The following C5 variants were observed in gnomAD, a reference collection of about 807,000 sequenced individuals.
C5 encodes C3 and PZP-like alpha-2-macroglobulin domain-containing protein 4.
A neutral mutation model predicts 218.8 loss-of-function variants in C5; 140 were observed. The observed-to-expected ratio is 0.64, with a 90% CI of 0.56 to 0.74. C5 has a LOEUF of 0.74. Ranked by LOEUF, C5 falls within the 30% of genes least tolerant of loss-of-function variation. The pLI, the probability that C5 is intolerant of heterozygous loss-of-function variation, is 0.00. For synonymous variants in C5, 614 were observed against 682.3 expected (o/e 0.90, Z 1.56); for missense variants, 1,700 against 1,969.6 (o/e 0.86, Z 2.59).
upstream of C5, among the ~76,000 whole-genome samples, chr9:121,050,834 AG>A (rs1454724169): frequency 6.6e-6 from 1 of 152,160 alleles, no homozygotes; most frequent in African/African-American, 2.4e-5. Context: ...AGAGAACACT[AG>A]GTGGAGGAAA....
At chr9:121,045,984 C>A (rs41307968) in intron 2 of C5, among the ~76,000 whole-genome samples, 17,359 of 152,046 alleles carry the variant, frequency 0.11, 1,276 homozygotes, top group Non-Finnish European at 0.16. Flanking sequence ...ATGCATTGCT[C>A]AAAAAGCAGA....
At chr9:121,023,143 T>C (rs2047381257) in intron 10 of C5, among the ~76,000 whole-genome samples, 1 of 152,234 alleles carries the variant, frequency 6.6e-6, no homozygotes. Context: ...TAATGCTTAT[T>C]TATTACATGT....
At chr9:121,066,185 ACCTGTAGT>A in the C5 span, among the ~76,000 whole-genome samples, 19,623 of 151,578 alleles carry the variant, frequency 0.13, 1,382 homozygotes, top group East Asian at 0.18. Context: ...GGTGGTGTGC[ACCTGTAGT>A]CCCAGCTACT....
chr9:121,028,673 A>G (rs528570106), intron 7 of C5, among the ~76,000 whole-genome samples: 1 of 152,208 alleles, frequency 6.6e-6, no homozygotes, highest in East Asian at 1.9e-4. Flanking sequence ...TGCGGGGAAC[A>G]TCACACTCTG....
At chr9:120,964,410 G>T (rs1156452027) in intron 33 of C5, among the ~76,000 whole-genome samples, 1 of 152,190 alleles carries the variant, frequency 6.6e-6, no homozygotes, top group Non-Finnish European at 1.5e-5. Flanking sequence ...AGGTTGCAGT[G>T]CGCCGAGATC....
At chr9:121,028,683 G>A (rs2047446913) in intron 7 of C5, among the ~76,000 whole-genome samples, 1 of 152,116 alleles carries the variant, frequency 6.6e-6, no homozygotes, top group African/African-American at 2.4e-5. Context: ...ATCACACTCT[G>A]GGGCCTGTCA....
chr9:121,052,985 A>G (rs1194580522), upstream of C5, among the ~76,000 whole-genome samples: 1 of 152,194 alleles, frequency 6.6e-6, no homozygotes, highest in Non-Finnish European at 1.5e-5. Flanking sequence ...TTTAGAGAAT[A>G]AAAAATAAGT....
chr9:121,046,846 GTA>G (rs1206077641), intron 1 of C5, among the ~76,000 whole-genome samples: 3 of 152,020 alleles, frequency 2.0e-5, no homozygotes, highest in Non-Finnish European at 4.4e-5. Context: ...CCAGGCTCTG[GTA>G]AAGATTAAAT....
rs1467240827 is a variant in C5, at chr9:121,050,190, C to T, written c.57G>A (p.Gln19=). 1 of 1,613,080 alleles carries T rather than the reference C, an allele frequency of 6.2e-7. No homozygotes were observed. The highest frequency in any genetic ancestry group is 8.5e-7 in the Non-Finnish European group (1 of 1,179,088). Residue 19 remains glutamine (Q), a synonymous_variant, in exon 1 of 41, where the codon CAG becomes CAA. Transcript: ENST00000223642. ...TAGCTTGTTTTACTTACGTTTGCTCCTGTCCCCAGGTTTTCCCCAGGAAGA... is the reference window on the plus strand; with the variant it reads ...TAGCTTGTTTTACTTACGTTTGCTCTTGTCCCCAGGTTTTCCCCAGGAAGA... ...FLIFLGKTWG[Q]EQTYVISAPK...
intron 3 of C5, among the ~76,000 whole-genome samples, chr9:121,041,801 T>C (rs2047583945): frequency 6.6e-6 from 1 of 152,222 alleles, no homozygotes; most frequent in Non-Finnish European, 1.5e-5. Flanking sequence ...CCAACCTTTG[T>C]GGGCAGAGAC....
chr9:120,982,624 T>C, intron 26 of C5, 31 bp downstream of exon 26: 1 of 1,518,568 alleles, frequency 6.6e-7, no homozygotes, highest in Non-Finnish European at 9.1e-7. Flanking sequence ...TAAATAAAAC[T>C]ATTGCTAATT....
intron 29 of C5, 139 bp from the exon 30 acceptor site, chr9:120,975,070 G>T: frequency 2.2e-6 from 2 of 898,736 alleles, no homozygotes; most frequent in South Asian, 2.9e-5. Context: ...CTGGTTAAGA[G>T]CCCCATTGTG....
chr9:121,001,723 A>G (rs2047163008), intron 20 of C5, among the ~76,000 whole-genome samples: 1 of 152,174 alleles, frequency 6.6e-6, no homozygotes, highest in African/African-American at 2.4e-5. Flanking sequence ...AATTATAAGA[A>G]TGTGAGGGAT....
chr9:120,976,136 C>T (rs980107464), intron 29 of C5, among the ~76,000 whole-genome samples: 1 of 152,150 alleles, frequency 6.6e-6, no homozygotes, highest in Admixed American at 6.5e-5. Context: ...CCATCATTAT[C>T]TAAACATCCA....
At chr9:121,000,058 C>CAAAAAA in intron 20 of C5, 1 of 170,898 alleles carries the variant, frequency 5.9e-6, no homozygotes, top group East Asian at 2.0e-4. Flanking sequence ...GACTCTGTCT[C>CAAAAAA]AAAAAAAAAA....
chr9:121,040,828 G>A (rs1450922013), intron 3 of C5, among the ~76,000 whole-genome samples: 1 of 152,128 alleles, frequency 6.6e-6, no homozygotes. Flanking sequence ...TGACTCCAGA[G>A]TCTGCTTTTA....
At chr9:121,061,920 GA>G in the C5 span, among the ~76,000 whole-genome samples, 3 of 152,126 alleles carry the variant, frequency 2.0e-5, no homozygotes, top group Non-Finnish European at 4.4e-5. Flanking sequence ...AAGCCTGAAA[GA>G]AAAAGAAACT....
chr9:121,008,618 T>C (rs1371931542), intron 17 of C5, 120 bp from the exon 18 acceptor site: 2 of 767,558 alleles, frequency 2.6e-6, no homozygotes, highest in African/African-American at 3.5e-5. Flanking sequence ...AATAAAACAT[T>C]TTGTTTAATG....
At chr9:120,986,549 G>C (rs942632328) in intron 25 of C5, among the ~76,000 whole-genome samples, 1 of 150,152 alleles carries the variant, frequency 6.7e-6, no homozygotes. Flanking sequence ...CATGGAGTTG[G>C]GTGTATGTTT....
Sources: allele counts gnomAD v4.1 joint callset (sites outside exome capture counted in the v4.1 genomes callset), GRCh38; gene constraint gnomAD v4.1.1; transcripts MANE v1.5; gene names NCBI Gene and HGNC (gene_info 2026-07-23, HGNC 2026-07-21).